The following ALMS1 variants were observed in gnomAD, a reference collection of about 807,000 sequenced individuals.
The protein encoded by ALMS1 is centrosome-associated protein ALMS1.
In ALMS1, 271 loss-of-function variants were observed where a neutral mutation model predicts 352.2. That is an observed-to-expected ratio of 0.77 (90% CI 0.70 to 0.85). The LOEUF is 0.85. Among genes scored for constraint, ALMS1 ranks in the 40% least tolerant of loss-of-function variants. ALMS1 has a pLI of 0.00. For missense variants in ALMS1, 5,445 were observed against 4,870.7 expected, an observed-to-expected ratio of 1.12 and a Z score of -3.51; for synonymous variants, 1,865 against 1,761.2, an observed-to-expected ratio of 1.06 and a Z score of -1.48.
At chr2:73,392,886 A>G (rs1670679350) in intron 1 of ALMS1, among the ~76,000 whole-genome samples, 2 of 152,168 alleles carry the variant, frequency 1.3e-5, no homozygotes, top group Admixed American at 1.3e-4. Flanking sequence ...TTTGGGACAT[A>G]TGGAATTCTG....
chr2:73,420,816 T>G (rs1004228744), intron 3 of ALMS1, among the ~76,000 whole-genome samples: 4 of 152,320 alleles, frequency 2.6e-5, no homozygotes, highest in African/African-American at 9.6e-5. Context: ...AATTTTATCA[T>G]TGCTGTTTTG....
rs1671972805 is a variant in ALMS1 at position 73,452,680 on chromosome 2, A to G, written c.6153A>G (p.Thr2051=). The G allele has an allele frequency of 1.2e-6, 2 of 1,613,966 alleles. No homozygotes were observed. Among genetic ancestry groups the G allele is most frequent in the Non-Finnish European group, 1.7e-6 (2 of 1,179,992 alleles). The change falls in exon 8 of 23, where the codon ACA becomes ACG. Residue 2051 remains threonine (T), a synonymous_variant. Transcript: ENST00000613296. The part of the protein sequence containing the change: ...QTAFHSSYSQ[T]VKPNILFQQQ... Reference sequence around the variant, plus strand: ...CTTTTCATAGTTCCTATTCTCAAACAGTAAAGCCCAATATTTTATTTCAAC... The same window carrying G: ...CTTTTCATAGTTCCTATTCTCAAACGGTAAAGCCCAATATTTTATTTCAAC...
At chr2:73,524,092 C>A (rs1331870080) in intron 11 of ALMS1, among the ~76,000 whole-genome samples, 5 of 151,968 alleles carry the variant, frequency 3.3e-5, no homozygotes, top group Non-Finnish European at 1.5e-5. Context: ...AACACTAATC[C>A]TTTTTGTAAA....
intron 5 of ALMS1, among the ~76,000 whole-genome samples, chr2:73,425,285 A>G (rs1671358116): frequency 6.6e-6 from 1 of 152,238 alleles, no homozygotes; most frequent in Non-Finnish European, 1.5e-5. Flanking sequence ...AGAAAGAATC[A>G]TCTCAATGTT....
At chr2:73,460,243 A>T (rs2103810508) in intron 9 of ALMS1, among the ~76,000 whole-genome samples, 1 of 152,282 alleles carries the variant, frequency 6.6e-6, no homozygotes, top group East Asian at 1.9e-4. Flanking sequence ...TAATATAATT[A>T]TTATTATACC....
chr2:73,394,620 G>A (rs945890532), intron 1 of ALMS1, among the ~76,000 whole-genome samples: 1 of 152,128 alleles, frequency 6.6e-6, no homozygotes, highest in African/African-American at 2.4e-5. Flanking sequence ...AAAGTGCTGG[G>A]ATTGCAGGCG....
At chr2:73,548,853 C>T (rs1035742110) in intron 12 of ALMS1, among the ~76,000 whole-genome samples, 2 of 151,900 alleles carry the variant, frequency 1.3e-5, no homozygotes, top group Non-Finnish European at 2.9e-5. Flanking sequence ...AGGCCAGTTC[C>T]GACTCCTTAA....
chr2:73,568,266 C>G (rs1036799811), intron 15 of ALMS1, among the ~76,000 whole-genome samples: 4 of 152,110 alleles, frequency 2.6e-5, no homozygotes, highest in Non-Finnish European at 5.9e-5. Flanking sequence ...ATTAGAAGTG[C>G]AAATTTGTTG....
chr2:73,410,437 A>G (rs527784424), intron 2 of ALMS1, among the ~76,000 whole-genome samples: 4 of 151,918 alleles, frequency 2.6e-5, no homozygotes, highest in South Asian at 4.2e-4. Flanking sequence ...TACCACACAC[A>G]TACACACACC....
At chr2:73,434,954 T>G (rs1470354657) in intron 7 of ALMS1, among the ~76,000 whole-genome samples, 1 of 152,128 alleles carries the variant, frequency 6.6e-6, no homozygotes, top group Non-Finnish European at 1.5e-5. Flanking sequence ...GTGCCCACCA[T>G]GCCCAATTAA....
At chr2:73,519,535 T>C (rs1425557459) in intron 10 of ALMS1, among the ~76,000 whole-genome samples, 1 of 152,216 alleles carries the variant, frequency 6.6e-6, no homozygotes, top group African/African-American at 2.4e-5. Context: ...CTAAATTATA[T>C]AATTTAACAT....
At chr2:73,560,469 T>C (rs1674633617) in intron 15 of ALMS1, among the ~76,000 whole-genome samples, 1 of 152,200 alleles carries the variant, frequency 6.6e-6, no homozygotes, top group Non-Finnish European at 1.5e-5. Context: ...GTAGCTATTA[T>C]GGAAAATATT....
chr2:73,608,554 C>T lies in ALMS1; in HGVS notation c.12442C>T (p.Arg4148Ter), dbSNP rs192496253. The T allele has an allele frequency of 3.9e-5, 63 of 1,613,830 alleles. No individual in the cohort carries two copies. The highest frequency in any genetic ancestry group is 1.8e-4 in the Admixed American group (11 of 60,028). ...ATCAGAATATAAGTCATACCGGCTGCGAGCCCAGCTATATAAAAAGGTCAG... is the reference window on the plus strand; with the variant it reads ...ATCAGAATATAAGTCATACCGGCTGTGAGCCCAGCTATATAAAAAGGTCAG... Reference protein sequence around the residue: ...RKSEYKSYRLRAQLYKKRVTN... With the variant: ...RKSEYKSYRL Residue 4148 changes from arginine (R) to a stop codon, truncating the protein, a stop_gained, in exon 22 of 23, where the codon CGA (arginine) becomes TGA (stop). Transcript: ENST00000613296. LOFTEE classifies it high-confidence loss of function.
At chr2:73,511,642 T>C (rs1673455094) in intron 10 of ALMS1, among the ~76,000 whole-genome samples, 1 of 152,210 alleles carries the variant, frequency 6.6e-6, no homozygotes, top group Non-Finnish European at 1.5e-5. Flanking sequence ...CCTCATGTAC[T>C]TGTTATTACA....
chr2:73,559,529 A>G (rs139592587), intron 15 of ALMS1, among the ~76,000 whole-genome samples: 1 of 152,214 alleles, frequency 6.6e-6, no homozygotes, highest in East Asian at 1.9e-4. Context: ...TTACAATAAA[A>G]TCACATTTAT....
chr2:73,402,911 G>A (rs918685293), intron 1 of ALMS1, among the ~76,000 whole-genome samples: 1 of 152,096 alleles, frequency 6.6e-6, no homozygotes, highest in Non-Finnish European at 1.5e-5. Context: ...AGTTGCACAA[G>A]TTCTTTATAT....
intron 11 of ALMS1, 25 bp from the exon 12 acceptor site, chr2:73,534,799 A>G: frequency 8.7e-6 from 14 of 1,609,878 alleles, no homozygotes; most frequent in Non-Finnish European, 1.2e-5. Flanking sequence ...TTTCATATTA[A>G]TTGTTCTGAT....
At chr2:73,507,290 CATA>C (rs1673348283) in intron 10 of ALMS1, among the ~76,000 whole-genome samples, 1 of 152,138 alleles carries the variant, frequency 6.6e-6, no homozygotes, top group African/African-American at 2.4e-5. Flanking sequence ...ATGCTGGCCT[CATA>C]AAATGAGTTA....
chr2:73,595,706 C>G (rs953632552), intron 16 of ALMS1, among the ~76,000 whole-genome samples: 8 of 152,188 alleles, frequency 5.3e-5, no homozygotes, highest in African/African-American at 1.7e-4. Flanking sequence ...TCAGAAATTG[C>G]CTAAGTGTTT....
Sources: gnomAD v4.1 joint callset for allele counts (sites outside exome capture counted in the v4.1 genomes callset) on GRCh38, gnomAD v4.1.1 for gene constraint, MANE v1.5 for transcripts, NCBI Gene and HGNC (gene_info 2026-07-23, HGNC 2026-07-21) for gene names.